PLEKHA5: variants seen among roughly 807,000 people sequenced by gnomAD.
PLEKHA5 encodes pleckstrin homology domain-containing family A member 5.
In PLEKHA5, 55 loss-of-function variants were observed where a neutral mutation model predicts 181.9. The observed-to-expected ratio is 0.30, with a 90% CI of 0.24 to 0.38. The LOEUF is 0.38. Ranked by LOEUF, PLEKHA5 falls within the 10% of genes least tolerant of loss-of-function variation. The pLI, the probability that PLEKHA5 is intolerant of heterozygous loss-of-function variation, is 1.00. For synonymous variants in PLEKHA5, 535 were observed against 529.4 expected (o/e 1.01, Z -0.15); for missense variants, 1,432 against 1,549.5 (o/e 0.92, Z 1.27).
At chr12:19,278,685 A>G (rs1224678347) in intron 11 of PLEKHA5, among the ~76,000 whole-genome samples, 1 of 152,058 alleles carries the variant, frequency 6.6e-6, no homozygotes, top group African/African-American at 2.4e-5. Context: ...GTGATAGGAG[A>G]CGGTGAAGAT....
chr12:19,143,747 T>C (rs16915121), intron 3 of PLEKHA5, among the ~76,000 whole-genome samples: 20,157 of 152,124 alleles, frequency 0.13, 2,163 homozygotes, highest in African/African-American at 0.3. Context: ...TTGATAATAC[T>C]GTGTCAAATC....
chr12:19,180,542 A>C (rs1438853655), intron 3 of PLEKHA5, among the ~76,000 whole-genome samples: 1 of 152,138 alleles, frequency 6.6e-6, no homozygotes, highest in Non-Finnish European at 1.5e-5. Context: ...ATGGTATTTA[A>C]AAGGCACCTT....
At chr12:19,299,098 A>G (rs2080757109) in intron 15 of PLEKHA5, among the ~76,000 whole-genome samples, 1 of 152,240 alleles carries the variant, frequency 6.6e-6, no homozygotes, top group Non-Finnish European at 1.5e-5. Context: ...CATCACTGTA[A>G]GGATGGAGAT....
intron 3 of PLEKHA5, among the ~76,000 whole-genome samples, chr12:19,137,201 A>G (rs1453106364): frequency 2.0e-5 from 3 of 151,964 alleles, no homozygotes; most frequent in Admixed American, 2.0e-4. Context: ...ACGCCTGGCT[A>G]ATTTTTTGTA....
rs764395984 is a variant in PLEKHA5, at chr12:19,130,025, G to A, written c.90-26G>A. On this transcript the variant is annotated intron_variant, in intron 1 of 31. Coordinates refer to ENST00000429027, the MANE Select transcript of PLEKHA5 (RefSeq NM_001256470.2). The surrounding 1 kb of genome is among the most constrained non-coding windows in gnomAD (Gnocchi z 4.5). Reference sequence around the variant, plus strand: ...CCCCGCGTCCCCTCTCACGCTCCGTGTCTGCCCCTTCTCTCACCCCTGCAG... The same window carrying A: ...CCCCGCGTCCCCTCTCACGCTCCGTATCTGCCCCTTCTCTCACCCCTGCAG... 1.9e-6 allele frequency: 3 copies of A among 1,556,154 alleles called. No homozygotes were observed. Among genetic ancestry groups the A allele is most frequent in the Non-Finnish European group, 1.7e-6 (2 of 1,146,800 alleles).
chr12:19,329,489 T>G (rs557761210), intron 20 of PLEKHA5, among the ~76,000 whole-genome samples: 1 of 152,192 alleles, frequency 6.6e-6, no homozygotes, highest in Non-Finnish European at 1.5e-5. Context: ...GGCAGGTTTT[T>G]TATTACAGAT....
chr12:19,226,450 A>G (rs373296070), intron 3 of PLEKHA5, among the ~76,000 whole-genome samples: 2 of 152,296 alleles, frequency 1.3e-5, no homozygotes, highest in South Asian at 2.1e-4. Flanking sequence ...ATTTGGGTAT[A>G]TATACCTGGG....
At chr12:19,163,203 G>GTCTC (rs2043392183) in intron 3 of PLEKHA5, among the ~76,000 whole-genome samples, 1 of 149,946 alleles carries the variant, frequency 6.7e-6, no homozygotes, top group Non-Finnish European at 1.5e-5. Flanking sequence ...TTGAGATGGA[G>GTCTC]TCTCACTCTA....
intron 22 of PLEKHA5, among the ~76,000 whole-genome samples, chr12:19,345,173 G>A (rs1201377521): frequency 6.6e-6 from 1 of 151,844 alleles, no homozygotes; most frequent in Non-Finnish European, 1.5e-5. Flanking sequence ...GCCAAGGCGG[G>A]CAGATCACCT....
intron 12 of PLEKHA5, among the ~76,000 whole-genome samples, chr12:19,287,174 C>G (rs2077401829): frequency 6.6e-6 from 1 of 151,770 alleles, no homozygotes; most frequent in African/African-American, 2.4e-5. Context: ...ATTTTTTATA[C>G]TTTTAGTAGA....
chr12:19,247,892 T>TA (rs60516914), intron 3 of PLEKHA5, among the ~76,000 whole-genome samples: 39 of 149,064 alleles, frequency 2.6e-4, no homozygotes, highest in Middle Eastern at 3.4e-3. Flanking sequence ...AGAGTGCTTT[T>TA]AAAAAAAAAA....
At chr12:19,331,798 G>A (rs2092867483) in intron 20 of PLEKHA5, among the ~76,000 whole-genome samples, 2 of 152,150 alleles carry the variant, frequency 1.3e-5, no homozygotes, top group African/African-American at 4.8e-5. Flanking sequence ...TGAGGCAGGA[G>A]AATTGCTTTA....
intron 3 of PLEKHA5, among the ~76,000 whole-genome samples, chr12:19,163,194 T>TG (rs1401373923): frequency 6.6e-6 from 1 of 151,796 alleles, no homozygotes; most frequent in African/African-American, 2.4e-5. Context: ...TTTTTTTTTT[T>TG]GAGATGGAGT....
intron 3 of PLEKHA5, among the ~76,000 whole-genome samples, chr12:19,193,513 T>A (rs191930476): frequency 7.9e-5 from 12 of 152,246 alleles, no homozygotes. Flanking sequence ...TTGTATATAA[T>A]CATAGGGTAC....
intron 3 of PLEKHA5, among the ~76,000 whole-genome samples, chr12:19,178,862 G>C (rs1401820976): frequency 6.6e-6 from 1 of 152,182 alleles, no homozygotes; most frequent in African/African-American, 2.4e-5. Flanking sequence ...CAAAGTAGTA[G>C]AAGTAGAAAT....
At chr12:19,358,964 G>A (rs1265786007) in intron 27 of PLEKHA5, among the ~76,000 whole-genome samples, 1 of 152,112 alleles carries the variant, frequency 6.6e-6, no homozygotes, top group Non-Finnish European at 1.5e-5. Flanking sequence ...TATAAATTCA[G>A]AGACAGCAGC....
intron 7 of PLEKHA5, among the ~76,000 whole-genome samples, chr12:19,261,997 A>C (rs2068656382): frequency 6.6e-6 from 1 of 152,108 alleles, no homozygotes; most frequent in African/African-American, 2.4e-5. Context: ...TGTCATAGAG[A>C]TGTTCCTTAG....
chr12:19,216,548 A>G (rs1168238175), intron 3 of PLEKHA5, among the ~76,000 whole-genome samples: 1 of 152,000 alleles, frequency 6.6e-6, no homozygotes, highest in East Asian at 1.9e-4. Flanking sequence ...TTGTAGTCCC[A>G]TCTACTTTGG....
intron 18 of PLEKHA5, among the ~76,000 whole-genome samples, chr12:19,322,087 C>T (rs1421095360): frequency 6.6e-6 from 1 of 151,932 alleles, no homozygotes; most frequent in Non-Finnish European, 1.5e-5. Context: ...CAATAGAATC[C>T]AGTAAGCATT....
Sources: gnomAD v4.1 joint callset for allele counts (sites outside exome capture counted in the v4.1 genomes callset) on GRCh38, gnomAD v4.1.1 for gene constraint, Gnocchi (gnomAD v3.1) non-coding constraint, MANE v1.5 for transcripts, NCBI Gene and HGNC (gene_info 2026-07-23, HGNC 2026-07-21) for gene names.